The following ALPK1 variants were observed in gnomAD, a reference collection of about 807,000 sequenced individuals.
The protein encoded by ALPK1 is alpha-protein kinase 1.
In ALPK1, 110 loss-of-function variants were observed where a neutral mutation model predicts 120.6. That is an observed-to-expected ratio of 0.91 (90% confidence interval 0.78 to 1.07). The LOEUF is 1.07. Ranked by LOEUF, ALPK1 falls within the 50% of genes least tolerant of loss-of-function variation. The pLI, the probability that ALPK1 is intolerant of heterozygous loss-of-function variation, is 0.00. For synonymous variants in ALPK1, 582 were observed against 560.3 expected, an observed-to-expected ratio of 1.04 and a Z score of -0.55; for missense variants, 1,498 against 1,483.9, an observed-to-expected ratio of 1.01 and a Z score of -0.16.
chr4:112,389,047 CTTTT>C (rs36062437), intron 4 of ALPK1, among the ~76,000 whole-genome samples: 1 of 138,034 alleles, frequency 7.2e-6, no homozygotes. Flanking sequence ...GCCATGCTGG[CTTTT>C]TTTTTTTTTT....
intron 5 of ALPK1, among the ~76,000 whole-genome samples, chr4:112,421,982 T>C (rs1734014640): frequency 6.6e-6 from 1 of 152,216 alleles, no homozygotes; most frequent in African/African-American, 2.4e-5. Context: ...ACTCCTGTCC[T>C]TTGCGGCCAT....
intron 5 of ALPK1, among the ~76,000 whole-genome samples, chr4:112,419,033 C>T (rs1733872252): frequency 1.3e-5 from 2 of 152,136 alleles, no homozygotes; most frequent in African/African-American, 4.8e-5. Flanking sequence ...AAGAAATCCA[C>T]AGATTGTTAG....
At chr4:112,305,266 GT>G (rs1417289120) in intron 1 of ALPK1, among the ~76,000 whole-genome samples, 1 of 151,996 alleles carries the variant, frequency 6.6e-6, no homozygotes, top group African/African-American at 2.4e-5. Flanking sequence ...CTTTAAAGTA[GT>G]TTTTTCCAAT....
intron 2 of ALPK1, among the ~76,000 whole-genome samples, chr4:112,336,409 G>C (rs933960285): frequency 2.0e-5 from 3 of 151,184 alleles, no homozygotes; most frequent in African/African-American, 7.3e-5. Flanking sequence ...TTTTCCTGTT[G>C]AAAAAAAAAG....
intron 2 of ALPK1, among the ~76,000 whole-genome samples, chr4:112,324,674 C>T (rs995989248): frequency 3.3e-5 from 5 of 151,978 alleles, no homozygotes; most frequent in Admixed American, 6.6e-5. Flanking sequence ...CTAAGGTTCT[C>T]GCTATGTGCC....
chr4:112,333,866 C>T (rs979855473), intron 2 of ALPK1, among the ~76,000 whole-genome samples: 22 of 152,046 alleles, frequency 1.4e-4, no homozygotes, highest in Admixed American at 1.3e-3. Flanking sequence ...AAGAGAAGCA[C>T]GAAGCTTCTT....
intron 1 of ALPK1, among the ~76,000 whole-genome samples, chr4:112,308,310 G>A (rs1439097956): frequency 2.6e-5 from 4 of 152,044 alleles, no homozygotes; most frequent in Non-Finnish European, 5.9e-5. Context: ...GCTAGGTTGG[G>A]GAAGTTGTCC....
intron 5 of ALPK1, among the ~76,000 whole-genome samples, chr4:112,416,887 A>AC (rs939062333): frequency 3.9e-5 from 6 of 151,958 alleles, no homozygotes; most frequent in Admixed American, 1.3e-4. Context: ...AAAAAAAAAA[A>AC]AAAAAACTTT....
At chr4:112,421,106 A>G (rs1303832063) in intron 5 of ALPK1, among the ~76,000 whole-genome samples, 1 of 152,164 alleles carries the variant, frequency 6.6e-6, no homozygotes, top group East Asian at 1.9e-4. Context: ...TGCTGGGATT[A>G]CAGGCATGAG....
intron 5 of ALPK1, chr4:112,414,496 T>C (rs796456427): frequency 6.2e-6 from 2 of 323,626 alleles, no homozygotes; most frequent in Admixed American, 3.6e-5. Context: ...TAATCCCAGC[T>C]ACTTAGGAGG....
chr4:112,359,016 G>A, intron 2 of ALPK1: 1 of 766,000 alleles, frequency 1.3e-6, no homozygotes, highest in South Asian at 1.3e-5. Context: ...ACAAGGCTGT[G>A]GCTATCGGCC....
At chr4:112,413,785 G>A (rs1340731492) in intron 5 of ALPK1, among the ~76,000 whole-genome samples, 1 of 152,152 alleles carries the variant, frequency 6.6e-6, no homozygotes, top group Non-Finnish European at 1.5e-5. Flanking sequence ...ATTCTAACCA[G>A]GTGGTATAGC....
At chr4:112,350,980 GA>G (rs1370388058) in intron 2 of ALPK1, among the ~76,000 whole-genome samples, 1 of 152,154 alleles carries the variant, frequency 6.6e-6, no homozygotes, top group Non-Finnish European at 1.5e-5. Context: ...GTACCATTTT[GA>G]AGTCATCAGT....
intron 5 of ALPK1, among the ~76,000 whole-genome samples, chr4:112,417,682 C>G (rs892641173): frequency 5.9e-5 from 9 of 152,144 alleles, no homozygotes; most frequent in Non-Finnish European, 2.9e-5. Context: ...GTCGAGGTCT[C>G]TCTACGTTGC....
chr4:112,359,086 C>G, intron 2 of ALPK1: 1 of 741,990 alleles, frequency 1.3e-6, no homozygotes, highest in Non-Finnish European at 2.5e-6. Context: ...ACTGGAAGGA[C>G]AGCGCCGGAT....
chr4:112,373,334 A>G (rs1272632872), intron 2 of ALPK1, among the ~76,000 whole-genome samples: 1 of 152,242 alleles, frequency 6.6e-6, no homozygotes, highest in Non-Finnish European at 1.5e-5. Context: ...CAGTATGAGG[A>G]TAAAATTCTG....
At chr4:112,358,364 G>A in intron 2 of ALPK1, 3 of 597,004 alleles carry the variant, frequency 5.0e-6, no homozygotes, top group South Asian at 1.8e-5. Context: ...GCCAGCACCG[G>A]CCCCCTGGGC....
chr4:112,426,604 T>C, intron 8 of ALPK1, 61 bp downstream of exon 8: 1 of 1,327,266 alleles, frequency 7.5e-7, no homozygotes, highest in South Asian at 1.7e-5. Flanking sequence ...GATTATCTCT[T>C]CATGACAGAA....
intron 2 of ALPK1, among the ~76,000 whole-genome samples, chr4:112,365,816 G>A (rs887566311): frequency 6.6e-6 from 1 of 152,070 alleles, no homozygotes; most frequent in Non-Finnish European, 1.5e-5. Flanking sequence ...ATACTATAAG[G>A]CCATAGTCAC....
Sources: allele counts gnomAD v4.1 joint callset (sites outside exome capture counted in the v4.1 genomes callset), GRCh38; gene constraint gnomAD v4.1.1; transcripts MANE v1.5; gene names NCBI Gene and HGNC (gene_info 2026-07-23, HGNC 2026-07-21).